The following UTP4 variants were observed in gnomAD, a reference collection of about 807,000 sequenced individuals.
The protein encoded by UTP4 is UTP4 small subunit processome component, also known as U3 small nucleolar RNA-associated protein 4 homolog.
A neutral mutation model predicts 82.4 loss-of-function variants in UTP4; 45 were observed. That is an observed-to-expected ratio of 0.55 (90% CI 0.43 to 0.70). The LOEUF (loss-of-function observed/expected upper bound fraction) is 0.70. Ranked by LOEUF, UTP4 falls within the 30% of genes least tolerant of loss-of-function variation. The pLI is 0.00. For synonymous variants in UTP4, 348 were observed against 300.3 expected (o/e 1.16, Z -1.64); for missense variants, 819 against 858.3 (o/e 0.95, Z 0.57).
intron 12 of UTP4, among the ~76,000 whole-genome samples, chr16:69,158,495 G>A (rs2152282591): frequency 6.6e-6 from 1 of 152,070 alleles, no homozygotes; most frequent in African/African-American, 2.4e-5. Context: ...AACTCTCACT[G>A]TTCATAAGCT....
intron 4 of UTP4, chr16:69,139,216 C>T (rs916802593): frequency 6.6e-6 from 1 of 151,914 alleles, no homozygotes; most frequent in Non-Finnish European, 1.5e-5. Context: ...ATCCACCCAC[C>T]TCGGCCTCCT....
chr16:69,163,108 A>G lies in UTP4; in HGVS notation c.1577A>G (p.Asn526Ser), dbSNP rs1215538937. ...CTTCACTGCACGGTGCCTGCTTACA[A>G]TTTCCCAGTGACTGCTATGGCTATT... Reference protein sequence around the residue: ...LKLHCTVPAYNFPVTAMAIAP... With the variant: ...LKLHCTVPAYSFPVTAMAIAP... Residue 526 changes from asparagine to serine, a missense_variant, in exon 14 of 17, where the codon AAT (asparagine) becomes AGT (serine). Coordinates refer to ENST00000314423, the MANE Select transcript of UTP4 (RefSeq NM_032830.3). 1.2e-6 allele frequency: 2 copies of G among 1,614,070 alleles called. No homozygotes were observed. Among genetic ancestry groups the G allele is most frequent in the Non-Finnish European group, 1.7e-6 (2 of 1,179,990 alleles).
At chr16:69,148,278 A>G (rs1032238368) in intron 6 of UTP4, among the ~76,000 whole-genome samples, 95 of 151,098 alleles carry the variant, frequency 6.3e-4, no homozygotes, top group Admixed American at 2.8e-3. Flanking sequence ...TGTATTTTTA[A>G]TAGAGACGGG....
intron 5 of UTP4, among the ~76,000 whole-genome samples, 161 bp from the exon 6 acceptor site, chr16:69,143,017 G>A (rs530676766): frequency 6.6e-6 from 1 of 152,298 alleles, no homozygotes; most frequent in East Asian, 1.9e-4. Context: ...GCTTACCGCA[G>A]GCGGGTTTGT....
At position 69,156,015 on chromosome 16, in the gene UTP4, G is replaced by C. The variant is rs536540621; in HGVS notation, c.1287+22G>C. On this transcript the variant is annotated intron_variant, in intron 11 of 16. Transcript: ENST00000314423. ...AAGGGTAAGTGATAGTCCAATATCTGGTCACATAAGAGGAAACTTCCTAAA... is the reference window on the plus strand; with the variant it reads ...AAGGGTAAGTGATAGTCCAATATCTCGTCACATAAGAGGAAACTTCCTAAA... The C allele has an allele frequency of 5.6e-6, 9 of 1,613,192 alleles. No individual in the cohort carries two copies. The South Asian group carries it at 8.8e-5, about 16-fold the overall frequency.
intron 15 of UTP4, chr16:69,166,689 C>T (rs1963710781): frequency 8.4e-6 from 2 of 238,962 alleles, no homozygotes; most frequent in South Asian, 5.6e-5. Flanking sequence ...CCTGTGTGGG[C>T]TGAGCTCCTG....
chr16:69,156,540 T>C (rs1963420489), intron 11 of UTP4, among the ~76,000 whole-genome samples: 1 of 148,736 alleles, frequency 6.7e-6, no homozygotes, highest in Non-Finnish European at 1.5e-5. Context: ...CTCACCGCAA[T>C]CTCTGCCTCT....
intron 7 of UTP4, 41 bp downstream of exon 7, chr16:69,150,749 C>T (rs377523244): frequency 7.9e-5 from 127 of 1,613,562 alleles, no homozygotes; most frequent in Non-Finnish European, 1.1e-4. Context: ...TTACCCTGCC[C>T]AGTTCTGGCT....
At chr16:69,136,092 C>G (rs540600541) in intron 2 of UTP4, among the ~76,000 whole-genome samples, 20 of 152,344 alleles carry the variant, frequency 1.3e-4, no homozygotes, top group African/African-American at 4.3e-4. Context: ...CCTTCATTTG[C>G]CTCATGCAAT....
Position 69,168,886 on chromosome 16 carries a change from C to A in UTP4, c.2010C>A (p.Asp670Glu). ...TLVAVERPLDDIIAQLPPPIK... is the reference protein window; with the variant it reads ...TLVAVERPLDEIIAQLPPPIK... Reference sequence around the variant, plus strand: ...TGGCAGTAGAACGGCCTCTGGATGACATCATTGCTCAGCTCCCACCACCCA... The same window carrying A: ...TGGCAGTAGAACGGCCTCTGGATGAAATCATTGCTCAGCTCCCACCACCCA... Residue 670 changes from aspartate (D) to glutamate (E), a missense_variant, in exon 17 of 17, where the codon GAC becomes GAA. Asp to Glu is a conservative substitution (Grantham distance 45, BLOSUM62 2). Coordinates refer to ENST00000314423, the MANE Select transcript of UTP4 (RefSeq NM_032830.3). 1 of 1,614,056 alleles carries A rather than the reference C, an allele frequency of 6.2e-7. No homozygotes were observed. The highest frequency in any genetic ancestry group is 2.2e-5 in the East Asian group (1 of 44,884).
chr16:69,163,972 G>A (rs1004810831), intron 14 of UTP4, among the ~76,000 whole-genome samples: 5 of 146,074 alleles, frequency 3.4e-5, no homozygotes, highest in African/African-American at 1.3e-4. Flanking sequence ...TGCAAGCTCC[G>A]CCTTCCGGGT....
At chr16:69,151,478 C>T (rs1177454897) in intron 8 of UTP4, among the ~76,000 whole-genome samples, 5 of 151,948 alleles carry the variant, frequency 3.3e-5, no homozygotes, top group African/African-American at 7.3e-5. Flanking sequence ...CCCACCACCA[C>T]GCCCGGCTAA....
Position 69,133,585 on chromosome 16 carries a change from T to C in UTP4, c.126T>C (p.Ile42=). Reference sequence around the variant, plus strand: ...CACGAACAGATGGCACTGTGGAAATTTATAACTTGTCAGCAAACTACTTTC... The same window carrying C: ...CACGAACAGATGGCACTGTGGAAATCTATAACTTGTCAGCAAACTACTTTC... ...AVSRTDGTVE[I]YNLSANYFQE... is the part of the protein sequence containing the mutation. Residue 42 remains isoleucine, a synonymous_variant, in exon 2 of 17, where the codon ATT becomes ATC. Transcript: ENST00000314423. 6.2e-7 allele frequency: 1 copy of C among 1,614,130 alleles called. No individual in the cohort carries two copies. The highest frequency in any genetic ancestry group is 8.5e-7 in the Non-Finnish European group (1 of 1,180,012).
In UTP4 at chr16:69,163,844, G is replaced by A. The variant is rs556330059; in HGVS notation, c.1647+666G>A. 2.6e-5 allele frequency among the ~76,000 whole-genome samples: 4 copies of A among 151,240 alleles called. No homozygotes were observed. In the East Asian group the frequency reaches 5.8e-4, roughly 22 times the overall value. On this transcript the variant is annotated intron_variant, in intron 14 of 16. Transcript: ENST00000314423. ...AATCCAGGAAGCACATTTAAGTAGAGTGCTAGGCAAATGATGCTTACTGCT... is the reference window on the plus strand; with the variant it reads ...AATCCAGGAAGCACATTTAAGTAGAATGCTAGGCAAATGATGCTTACTGCT...
chr16:69,136,743 A>G lies in UTP4; in HGVS notation c.207A>G (p.Ala69=), dbSNP rs1168139560. The part of the protein sequence containing the change: ...ESRATEALCW[A]EGQRLFSAGL... ...GGGCTACAGAAGCTTTGTGCTGGGCAGAAGGACAGCGACTCTTTAGTGCTG... is the reference window on the plus strand; with the variant it reads ...GGGCTACAGAAGCTTTGTGCTGGGCGGAAGGACAGCGACTCTTTAGTGCTG... Residue 69 remains alanine (A), a synonymous_variant, in exon 3 of 17, where the codon GCA becomes GCG. Transcript: ENST00000314423. 6.2e-7 allele frequency: 1 copy of G among 1,614,086 alleles called. No homozygotes were observed. The highest frequency in any genetic ancestry group is 8.5e-7 in the Non-Finnish European group (1 of 1,179,968).
At position 69,150,493 on chromosome 16, in the gene UTP4, C is replaced by G. The variant is rs755324545; in HGVS notation, c.739-44C>G. ...CCTCGGAATATTTTTCCAACCAGAC[C>G]TTGTTTTGCTTACGTGTACCTCCCT... is the stretch of plus-strand genomic sequence containing the variant. On this transcript the variant is annotated intron_variant, in intron 6 of 16. Coordinates refer to ENST00000314423, the MANE Select transcript of UTP4 (RefSeq NM_032830.3). 16 of 1,609,952 alleles carry G rather than the reference C, an allele frequency of 9.9e-6. 1 individual carries two copies. The South Asian group carries it at 1.5e-4, about 15-fold the overall frequency.
intron 14 of UTP4, among the ~76,000 whole-genome samples, chr16:69,164,086 A>G (rs531724192): frequency 1.4e-3 from 219 of 151,914 alleles, no homozygotes; most frequent in African/African-American, 4.0e-3. Flanking sequence ...GAGTTTCACC[A>G]TGTTAGCCAG....
rs1273193103 is a variant in UTP4 at position 69,165,360 on chromosome 16, C to G, written c.1667C>G (p.Pro556Arg). Residue 556 changes from proline to arginine, a missense_variant, in exon 15 of 17, where the codon CCA becomes CGA. Transcript: ENST00000314423. Reference protein sequence around the residue: ...SDQQVFEYSIPDKQYTDWSRT... With the variant: ...SDQQVFEYSIRDKQYTDWSRT... ...CCTCAGGTATTTGAGTACAGCATCC[C>G]AGACAAACAGTATACAGATTGGAGC... 1.2e-6 allele frequency: 2 copies of G among 1,614,104 alleles called. No homozygotes were observed. Among genetic ancestry groups the G allele is most frequent in the Non-Finnish European group, 1.7e-6 (2 of 1,180,026 alleles).
chr16:69,141,766 A>G (rs1227303077), intron 5 of UTP4, among the ~76,000 whole-genome samples: 1 of 150,334 alleles, frequency 6.7e-6, no homozygotes, highest in African/African-American at 2.4e-5. Flanking sequence ...TTTTTCGTGA[A>G]TCTTCTTTTT....
Sources: allele counts gnomAD v4.1 joint callset (sites outside exome capture counted in the v4.1 genomes callset), GRCh38; gene constraint gnomAD v4.1.1; transcripts MANE v1.5; gene names NCBI Gene and HGNC (gene_info 2026-07-23, HGNC 2026-07-21).